TBC1D22A: variants seen among roughly 807,000 people sequenced by gnomAD.
The protein encoded by TBC1D22A is putative GTPase activator.
A neutral mutation model predicts 60.2 loss-of-function variants in TBC1D22A; 38 were observed. The ratio of observed to expected loss-of-function variants is 0.63; its 90% CI spans 0.49 to 0.83. The LOEUF (loss-of-function observed/expected upper bound fraction) is 0.83, where lower values mean the gene tolerates loss of function less well. Ranked by LOEUF, TBC1D22A falls within the 40% of genes least tolerant of loss-of-function variation. The pLI is 0.00. For synonymous variants in TBC1D22A, 302 were observed against 281.7 expected, an observed-to-expected ratio of 1.07 and a Z score of -0.72; for missense variants, 628 against 701.0, an observed-to-expected ratio of 0.90 and a Z score of 1.18.
At chr22:46,924,494 C>T (rs912044900) in intron 8 of TBC1D22A, among the ~76,000 whole-genome samples, 1 of 152,158 alleles carries the variant, frequency 6.6e-6, no homozygotes, top group African/African-American at 2.4e-5. Flanking sequence ...CGGTGGCTCA[C>T]GCTTATAATC....
chr22:47,173,884 C>A lies in TBC1D22A; in HGVS notation c.*258C>A. ...CGGCGGCCAGAGGCAGGTCAGGGGT[C>A]CCCTCTCCCTCTCCCTGCAATGTCC... On this transcript the variant is annotated 3_prime_UTR_variant, in exon 13 of 13. Transcript: ENST00000337137. 2.3e-6 allele frequency: 1 copy of A among 443,308 alleles called. No homozygotes were observed. Among genetic ancestry groups the A allele is most frequent in the Non-Finnish European group, 4.1e-6 (1 of 244,536 alleles). 27.5% of individuals were successfully genotyped at this position (443,308 alleles called of 1,614,324 possible).
At chr22:46,829,975 G>A (rs2086239878) in intron 4 of TBC1D22A, among the ~76,000 whole-genome samples, 1 of 152,238 alleles carries the variant, frequency 6.6e-6, no homozygotes, top group African/African-American at 2.4e-5. Context: ...GGTACACAGG[G>A]AAATGAGACT....
At chr22:47,145,340 C>T (rs966142941) in intron 12 of TBC1D22A, among the ~76,000 whole-genome samples, 6 of 152,082 alleles carry the variant, frequency 3.9e-5, no homozygotes, top group East Asian at 1.9e-4. Context: ...TGGAGGGAGT[C>T]GAGAGGGCCG....
chr22:46,896,715 C>T (rs2068697964), intron 7 of TBC1D22A, among the ~76,000 whole-genome samples: 2 of 152,188 alleles, frequency 1.3e-5, no homozygotes, highest in African/African-American at 4.8e-5. Context: ...TCGCACCCCG[C>T]AAGTAATTTA....
At position 47,018,794 on chromosome 22, in the gene TBC1D22A, G is replaced by A. The variant is rs765190669; in HGVS notation, c.1202-18277G>A. Among the ~76,000 whole-genome samples, 17 of 152,254 alleles carry A rather than the reference G, an allele frequency of 1.1e-4. No individual in the cohort carries two copies. In the South Asian group the frequency reaches 2.5e-3, roughly 22 times the overall value. ...GGCCAAGGCTGCTGAAAATGGAGGCGACTGGGATCCTGGGTGGGACGAGTG... is the reference window on the plus strand; with the variant it reads ...GGCCAAGGCTGCTGAAAATGGAGGCAACTGGGATCCTGGGTGGGACGAGTG... On this transcript the variant is annotated intron_variant, in intron 10 of 12. Transcript: ENST00000337137.
chr22:47,020,813 T>A (rs56237567), intron 10 of TBC1D22A, among the ~76,000 whole-genome samples: 35,669 of 151,466 alleles, frequency 0.24, 4,496 homozygotes, highest in East Asian at 0.29. Context: ...CGATGGAACA[T>A]GGGATTGTAG....
intron 12 of TBC1D22A, among the ~76,000 whole-genome samples, chr22:47,161,216 A>G (rs962207478): frequency 5.3e-5 from 8 of 149,840 alleles, no homozygotes; most frequent in Non-Finnish European, 1.2e-4. Flanking sequence ...TGCCCTTGTG[A>G]AAAAAAAAAT....
intron 9 of TBC1D22A, among the ~76,000 whole-genome samples, chr22:46,980,071 C>T (rs1370590839): frequency 6.6e-6 from 1 of 152,084 alleles, no homozygotes; most frequent in East Asian, 1.9e-4. Flanking sequence ...ACCCAGAGAC[C>T]TGAGACACTA....
At chr22:46,875,062 G>A (rs1326298345) in intron 4 of TBC1D22A, among the ~76,000 whole-genome samples, 2 of 152,170 alleles carry the variant, frequency 1.3e-5, no homozygotes, top group Non-Finnish European at 2.9e-5. Context: ...CTTCACACCT[G>A]CCTAGGAGAA....
intron 12 of TBC1D22A, among the ~76,000 whole-genome samples, chr22:47,172,095 G>A (rs527478010): frequency 6.8e-6 from 1 of 146,872 alleles, no homozygotes; most frequent in Non-Finnish European, 1.5e-5. Context: ...AGCACTCCCA[G>A]TGAGCTGTGT....
In TBC1D22A at chr22:47,028,515, C is replaced by T. The variant is rs1294436424; in HGVS notation, c.1202-8556C>T. ...CGCATTCCTGTCCCTCGGTCCCTGT[C>T]CCCCACGGCCCAGGTTCTGAGAGTG... On this transcript the variant is annotated intron_variant, in intron 10 of 12. Coordinates refer to ENST00000337137, the MANE Select transcript of TBC1D22A (RefSeq NM_014346.5). This position sits in a 1 kb window ranked among gnomAD's most constrained non-coding sequence, Gnocchi z 4.4. Among the ~76,000 whole-genome samples the T allele has an allele frequency of 1.4e-5, 2 of 139,536 alleles. No individual in the cohort carries two copies. The highest frequency in any genetic ancestry group is 7.2e-5 in the Admixed American group (1 of 13,932). The allele number at this position is 139,536 out of a possible 152,430, so 91.5% of individuals were successfully genotyped here.
chr22:46,972,501 A>T (rs2074108369), intron 8 of TBC1D22A, among the ~76,000 whole-genome samples: 1 of 152,076 alleles, frequency 6.6e-6, no homozygotes, highest in African/African-American at 2.4e-5. Context: ...CGCATGGATG[A>T]CTCTGGAGAA....
At chr22:46,946,087 G>A (rs1192156816) in intron 8 of TBC1D22A, among the ~76,000 whole-genome samples, 1 of 152,224 alleles carries the variant, frequency 6.6e-6, no homozygotes, top group Non-Finnish European at 1.5e-5. Flanking sequence ...CCTTAAAGGT[G>A]TGTGTACACA....
chr22:46,904,153 A>ATCTG lies in TBC1D22A; in HGVS notation c.901-7921_901-7920insTCTG, dbSNP rs1479581463. 7.3e-3 allele frequency among the ~76,000 whole-genome samples: 727 copies of ATCTG among 100,270 alleles called. 9 individuals carry two copies. Among genetic ancestry groups the ATCTG allele is most frequent in the African/African-American group, 0.024 (679 of 27,834 alleles). The allele number at this position is 100,270 out of a possible 152,430, so 65.8% of individuals were successfully genotyped here. A position where few individuals can be genotyped will look rare whatever the true frequency, so the allele number is the denominator to read the frequency against. ...TATCTATCTATCTATCTACCTACCT[A>ATCTG]CCTACCTACCTACCTACCTACCAGT... On this transcript the variant is annotated intron_variant, in intron 7 of 12. Coordinates refer to ENST00000337137, the MANE Select transcript of TBC1D22A (RefSeq NM_014346.5).
At chr22:46,788,603 C>T (rs372448953) in intron 1 of TBC1D22A, among the ~76,000 whole-genome samples, 24 of 152,234 alleles carry the variant, frequency 1.6e-4, no homozygotes, top group South Asian at 8.3e-4. Context: ...TGCCACAGGG[C>T]GTCTGTGTCC....
chr22:47,041,062 C>T (rs1332037892), intron 11 of TBC1D22A, among the ~76,000 whole-genome samples: 2 of 152,190 alleles, frequency 1.3e-5, no homozygotes, highest in African/African-American at 2.4e-5. Flanking sequence ...CCACACTTTA[C>T]GTTTCCTATC....
intron 11 of TBC1D22A, among the ~76,000 whole-genome samples, chr22:47,088,566 C>T (rs1005136088): frequency 3.3e-5 from 5 of 152,188 alleles, no homozygotes; most frequent in Admixed American, 6.5e-5. Context: ...AGGAAAGAGT[C>T]AAGAAAGTAT....
chr22:46,994,818 C>T (rs1294998240), intron 9 of TBC1D22A, among the ~76,000 whole-genome samples: 2 of 152,308 alleles, frequency 1.3e-5, no homozygotes, highest in African/African-American at 4.8e-5. Flanking sequence ...TAAATTTTAA[C>T]ATCAGTGTGC....
chr22:47,111,723 G>A (rs1244071951), intron 12 of TBC1D22A, 120 bp downstream of exon 12: 3 of 857,894 alleles, frequency 3.5e-6, no homozygotes, highest in Non-Finnish European at 5.4e-6. Context: ...CCTGCATTTC[G>A]CCGCTGACCT....
Sources: gnomAD v4.1 joint callset for allele counts (sites outside exome capture counted in the v4.1 genomes callset) on GRCh38, gnomAD v4.1.1 for gene constraint, Gnocchi (gnomAD v3.1) non-coding constraint, MANE v1.5 for transcripts, NCBI Gene and HGNC (gene_info 2026-07-23, HGNC 2026-07-21) for gene names.